Variants in AUTS2 observed in about 807,000 individuals in gnomAD.
The protein encoded by AUTS2 is activator of transcription and developmental regulator AUTS2.
Under a neutral mutation model 112.4 loss-of-function variants are expected in AUTS2, and 17 were observed. The observed-to-expected ratio is 0.15, with a 90% confidence interval of 0.10 to 0.23. The LOEUF (loss-of-function observed/expected upper bound fraction) is 0.23, where lower values mean the gene tolerates loss of function less well. Among genes scored for constraint, AUTS2 ranks in the 10% least tolerant of loss-of-function variants. The probability of loss-of-function intolerance (pLI) is 1.00; values close to 1 mark genes in which losing one functional copy is unlikely to be tolerated. For synonymous variants in AUTS2, 751 were observed against 702.7 expected, an observed-to-expected ratio of 1.07 and a Z score of -1.09; for missense variants, 1,510 against 1,701.6, an observed-to-expected ratio of 0.89 and a Z score of 1.98.
intron 1 of AUTS2, among the ~76,000 whole-genome samples, chr7:69,666,445 C>T (rs1166104507): frequency 2.0e-5 from 3 of 152,166 alleles, no homozygotes; most frequent in Non-Finnish European, 4.4e-5. Flanking sequence ...TTTTCATCTA[C>T]TTTTAACAGG....
Position 70,792,238 on chromosome 7 carries a change from A to T in AUTS2, c.*1242A>T, listed in dbSNP as rs565168716. 6.6e-6 allele frequency: 1 copy of T among 152,602 alleles called. No individual in the cohort carries two copies. The highest frequency in any genetic ancestry group is 1.9e-4 in the East Asian group (1 of 5,176). The allele number at this position is 152,602 out of a possible 1,614,324, so 9.5% of individuals were successfully genotyped here. On this transcript the variant is annotated 3_prime_UTR_variant, in exon 19 of 19. Coordinates refer to ENST00000342771, the MANE Select transcript of AUTS2 (RefSeq NM_015570.4). ...GCCATCGCGAGTTAGAGGGTGAAAG[A>T]TGGCAGAAAAAAAAGTCTTGTGTGT...
At chr7:70,679,884 G>A (rs937803496) in intron 5 of AUTS2, among the ~76,000 whole-genome samples, 1 of 152,194 alleles carries the variant, frequency 6.6e-6, no homozygotes, top group African/African-American at 2.4e-5. Context: ...TAAAGTGGGT[G>A]TGATGACACA....
intron 5 of AUTS2, among the ~76,000 whole-genome samples, chr7:70,549,047 A>G (rs1052078290): frequency 1.3e-5 from 2 of 152,140 alleles, no homozygotes; most frequent in African/African-American, 4.8e-5. Context: ...TGAAGACAGA[A>G]TATCTCTTCG....
chr7:70,754,657 T>A (rs1219806190), intron 6 of AUTS2, among the ~76,000 whole-genome samples: 1 of 152,252 alleles, frequency 6.6e-6, no homozygotes, highest in East Asian at 1.9e-4. Context: ...TTGACTGTGA[T>A]CTGTAGTCTT....
intron 4 of AUTS2, among the ~76,000 whole-genome samples, chr7:70,182,434 G>C (rs545647975): frequency 6.6e-6 from 1 of 152,292 alleles, no homozygotes; most frequent in Non-Finnish European, 1.5e-5. Flanking sequence ...GTTTATTGCA[G>C]ATAGTGGGAT....
chr7:69,978,623 G>C (rs770480311), intron 2 of AUTS2, among the ~76,000 whole-genome samples: 1 of 152,110 alleles, frequency 6.6e-6, no homozygotes, highest in Non-Finnish European at 1.5e-5. Flanking sequence ...ATGATTGCTT[G>C]AGCTCAGGAG....
chr7:70,206,207 C>T (rs1322247472), intron 4 of AUTS2, among the ~76,000 whole-genome samples: 2 of 152,078 alleles, frequency 1.3e-5, no homozygotes, highest in African/African-American at 4.8e-5. Flanking sequence ...TCAACACTTT[C>T]TAATAAGAGT....
At chr7:70,316,296 G>A (rs1789991314) in intron 4 of AUTS2, among the ~76,000 whole-genome samples, 1 of 152,042 alleles carries the variant, frequency 6.6e-6, no homozygotes, top group Non-Finnish European at 1.5e-5. Context: ...ATCTCAGCTG[G>A]CATCAATGGG....
At chr7:70,501,587 T>A (rs988890230) in intron 5 of AUTS2, among the ~76,000 whole-genome samples, 4 of 152,162 alleles carry the variant, frequency 2.6e-5, no homozygotes, top group African/African-American at 9.7e-5. Context: ...CACAGGCCTC[T>A]CTTCTTTCCT....
At chr7:70,613,239 G>A (rs1226052129) in intron 5 of AUTS2, among the ~76,000 whole-genome samples, 1 of 108,800 alleles carries the variant, frequency 9.2e-6, no homozygotes, top group Admixed American at 8.4e-5. Flanking sequence ...ATGTGTGTGT[G>A]TCTGTGTGTG....
rs566360333 is a variant in AUTS2 at position 69,991,573 on chromosome 7, C to T, written c.522+92075C>T. On this transcript the variant is annotated intron_variant, in intron 2 of 18. Coordinates refer to ENST00000342771, the MANE Select transcript of AUTS2 (RefSeq NM_015570.4). ...AAGGAAAGAGACTGCTGTTAACATA[C>T]TCAGGGAACAATTATATGTTGTTTA... Among the ~76,000 whole-genome samples, 66 of 152,250 alleles carry T rather than the reference C, an allele frequency of 4.3e-4. 2 individuals carry two copies. The South Asian group carries it at 0.013, about 30-fold the overall frequency.
Position 69,669,374 on chromosome 7 carries a change from A to G in AUTS2, c.309+69412A>G, listed in dbSNP as rs865890202. Among the ~76,000 whole-genome samples, 159 of 152,206 alleles carry G rather than the reference A, an allele frequency of 1.0e-3. 1 individual carries two copies. Among genetic ancestry groups the G allele is most frequent in the African/African-American group, 3.3e-3 (139 of 41,560 alleles). ...AATATATATGTGTGTGTATATATATATAAGTATATACAAACCTGACTTTTT... is the reference window on the plus strand; with the variant it reads ...AATATATATGTGTGTGTATATATATGTAAGTATATACAAACCTGACTTTTT... On this transcript the variant is annotated intron_variant, in intron 1 of 18. Coordinates refer to ENST00000342771, the MANE Select transcript of AUTS2 (RefSeq NM_015570.4).
chr7:70,299,125 CTT>C (rs1248307605), intron 4 of AUTS2, among the ~76,000 whole-genome samples: 1 of 152,222 alleles, frequency 6.6e-6, no homozygotes, highest in African/African-American at 2.4e-5. Context: ...ATAATTAACT[CTT>C]TTCCAAATAA....
intron 4 of AUTS2, among the ~76,000 whole-genome samples, chr7:70,316,282 GAA>G (rs1203741957): frequency 1.3e-5 from 2 of 152,090 alleles, no homozygotes; most frequent in Admixed American, 1.3e-4. Context: ...CAAACAAGTG[GAA>G]AATCTCAGCT....
At chr7:70,394,329 A>G (rs1793993233) in intron 4 of AUTS2, among the ~76,000 whole-genome samples, 1 of 152,214 alleles carries the variant, frequency 6.6e-6, no homozygotes, top group African/African-American at 2.4e-5. Flanking sequence ...TTTACAGATG[A>G]GAACACTGAT....
intron 1 of AUTS2, among the ~76,000 whole-genome samples, chr7:69,645,398 T>TA (rs1438148378): frequency 6.6e-6 from 1 of 152,190 alleles, no homozygotes; most frequent in Non-Finnish European, 1.5e-5. Context: ...GGGAGGATTG[T>TA]AAAAGAGTTT....
chr7:70,333,055 A>G (rs1326529663), intron 4 of AUTS2, among the ~76,000 whole-genome samples: 1 of 152,244 alleles, frequency 6.6e-6, no homozygotes, highest in African/African-American at 2.4e-5. Flanking sequence ...AATTTTTGCA[A>G]TCTATCCATC....
intron 4 of AUTS2, among the ~76,000 whole-genome samples, chr7:70,395,072 G>A (rs1355792965): frequency 6.6e-6 from 1 of 151,692 alleles, no homozygotes; most frequent in Non-Finnish European, 1.5e-5. Context: ...AGATTTCTCT[G>A]TAAAATGATT....
chr7:70,230,237 G>A (rs1163183492), intron 4 of AUTS2, among the ~76,000 whole-genome samples: 1 of 152,072 alleles, frequency 6.6e-6, no homozygotes, highest in Non-Finnish European at 1.5e-5. Flanking sequence ...AGAGTTAATG[G>A]TTGTTTCTTT....
Sources: gnomAD v4.1 joint callset for allele counts (sites outside exome capture counted in the v4.1 genomes callset) on GRCh38, gnomAD v4.1.1 for gene constraint, MANE v1.5 for transcripts, NCBI Gene and HGNC (gene_info 2026-07-23, HGNC 2026-07-21) for gene names.